PKHD1: variants seen among roughly 807,000 people sequenced by gnomAD.
PKHD1 encodes the protein fibrocystin.
A neutral mutation model predicts 412.0 loss-of-function variants in PKHD1; 291 were observed. The ratio of observed to expected loss-of-function variants is 0.71; its 90% CI spans 0.64 to 0.78. The LOEUF is 0.78. Among genes scored for constraint, PKHD1 ranks in the 30% least tolerant of loss-of-function variants. The pLI is 0.00. For synonymous variants in PKHD1, 1,777 were observed against 1,821.5 expected (o/e 0.98, Z 0.62); for missense variants, 4,825 against 4,950.7 (o/e 0.97, Z 0.76).
At position 52,025,276 on chromosome 6, in the gene PKHD1, T is replaced by C; in HGVS notation, c.4534A>G (p.Thr1512Ala). The C allele has an allele frequency of 6.2e-7, 1 of 1,614,100 alleles. No homozygotes were observed. The highest frequency in any genetic ancestry group is 1.7e-5 in the Admixed American group (1 of 60,026). Residue 1512 changes from threonine to alanine, a missense_variant, in exon 32 of 67, where the codon ACA (threonine) becomes GCA (alanine). Coordinates refer to ENST00000371117, the MANE Select transcript of PKHD1 (RefSeq NM_138694.4). The stretch of plus-strand genomic sequence containing the variant: ...ACAAATACCATCGGCTCATCAGCTG[T>C]GGTGGCTAACCTCTGACCCCTAATC... ...VLIRGQRLATTADEPMVFVDD... is the reference protein window; with the variant it reads ...VLIRGQRLATAADEPMVFVDD...
chr6:51,698,039 T>C (rs558735876), intron 60 of PKHD1, among the ~76,000 whole-genome samples: 112 of 152,376 alleles, frequency 7.4e-4, no homozygotes, highest in Non-Finnish European at 1.4e-3. Context: ...TCAAGTCATC[T>C]GTTAGAAAGT....
chr6:51,653,123 G>T (rs1043750515), intron 61 of PKHD1, among the ~76,000 whole-genome samples: 18 of 152,064 alleles, frequency 1.2e-4, no homozygotes, highest in Admixed American at 1.1e-3. Flanking sequence ...ATGTACAAAT[G>T]TTGTTCAAGG....
At chr6:51,951,028 T>A (rs558021122) in intron 36 of PKHD1, among the ~76,000 whole-genome samples, 1 of 152,326 alleles carries the variant, frequency 6.6e-6, no homozygotes, top group Non-Finnish European at 1.5e-5. Context: ...GGTAACCTTA[T>A]AACTGTATTA....
chr6:51,633,440 T>G (rs1193485915), intron 64 of PKHD1, among the ~76,000 whole-genome samples: 1 of 152,140 alleles, frequency 6.6e-6, no homozygotes, highest in Non-Finnish European at 1.5e-5. Context: ...CTCTGTACAT[T>G]GCAAAACCCA....
At chr6:51,658,248 GA>G (rs1233892189) in intron 61 of PKHD1, among the ~76,000 whole-genome samples, 1 of 152,016 alleles carries the variant, frequency 6.6e-6, no homozygotes, top group Non-Finnish European at 1.5e-5. Flanking sequence ...ACCAGATCCA[GA>G]AAAATTTGCT....
chr6:52,031,114 A>G (rs909882715), intron 29 of PKHD1, among the ~76,000 whole-genome samples: 1 of 152,238 alleles, frequency 6.6e-6, no homozygotes, highest in African/African-American at 2.4e-5. Flanking sequence ...TTCCTGGACC[A>G]GGTACTTTCA....
At chr6:51,749,103 A>C (rs1294210452) in intron 57 of PKHD1, among the ~76,000 whole-genome samples, 1 of 152,236 alleles carries the variant, frequency 6.6e-6, no homozygotes, top group Admixed American at 6.5e-5. Flanking sequence ...TCCCAAGAAG[A>C]CACTGCACAA....
chr6:51,665,939 A>T (rs1034796001), intron 60 of PKHD1, among the ~76,000 whole-genome samples: 1 of 152,060 alleles, frequency 6.6e-6, no homozygotes, highest in African/African-American at 2.4e-5. Context: ...GCACAGGTGG[A>T]GGTGGGTGGG....
At chr6:52,043,189 C>T in intron 26 of PKHD1, 55 bp from the exon 27 acceptor site, 1 of 1,402,898 alleles carries the variant, frequency 7.1e-7, no homozygotes, top group Non-Finnish European at 9.9e-7. Context: ...AGTGATATTA[C>T]TTCATTTGAG....
At chr6:51,657,233 T>C (rs1350454937) in intron 61 of PKHD1, among the ~76,000 whole-genome samples, 1 of 151,976 alleles carries the variant, frequency 6.6e-6, no homozygotes, top group Non-Finnish European at 1.5e-5. Context: ...CCCAACTGAC[T>C]GTGATCAAAG....
intron 46 of PKHD1, among the ~76,000 whole-genome samples, chr6:51,873,483 G>A (rs1776333878): frequency 6.6e-6 from 1 of 152,104 alleles, no homozygotes; most frequent in African/African-American, 2.4e-5. Flanking sequence ...CTCTGGCAAT[G>A]TTCTATTTCT....
intron 46 of PKHD1, among the ~76,000 whole-genome samples, chr6:51,873,382 G>C (rs1478148874): frequency 6.6e-6 from 1 of 152,142 alleles, no homozygotes; most frequent in South Asian, 2.1e-4. Context: ...TGCGGAGTGG[G>C]GTTGAATGGG....
chr6:51,638,110 C>A (rs913198174), intron 64 of PKHD1, among the ~76,000 whole-genome samples: 1 of 152,120 alleles, frequency 6.6e-6, no homozygotes, highest in African/African-American at 2.4e-5. Flanking sequence ...CATGCTGAAA[C>A]AATTTTTATA....
chr6:51,738,129 G>A lies in PKHD1; in HGVS notation c.10156+6256C>T, dbSNP rs537056419. 1.4e-3 allele frequency among the ~76,000 whole-genome samples: 220 copies of A among 152,268 alleles called. 1 individual carries two copies. Among genetic ancestry groups the A allele is most frequent in the African/African-American group, 5.0e-3 (206 of 41,556 alleles). Reference sequence around the variant, plus strand: ...GCCGATAGTTTGTGGGCCAGCACGCGTGGAGCAGCTACCTCCAAGCCCCAC... The same window carrying A: ...GCCGATAGTTTGTGGGCCAGCACGCATGGAGCAGCTACCTCCAAGCCCCAC... On this transcript the variant is annotated intron_variant, in intron 60 of 66. Transcript: ENST00000371117.
Position 51,618,049 on chromosome 6 carries a change from G to C in PKHD1, c.*1032C>G, listed in dbSNP as rs2150235101. 1 of 152,182 alleles carries C rather than the reference G, an allele frequency of 6.6e-6. No homozygotes were observed. The highest frequency in any genetic ancestry group is 2.4e-5 in the African/African-American group (1 of 41,516). 9.4% of individuals were successfully genotyped at this position (152,182 alleles called of 1,614,324 possible). The stretch of plus-strand genomic sequence containing the variant: ...GTATTCTTCAGTTTGAAAAGAAATG[G>C]GCCCCGTACAAATGTGTGAATTTGG... On this transcript the variant is annotated 3_prime_UTR_variant, in exon 67 of 67. Coordinates refer to ENST00000371117, the MANE Select transcript of PKHD1 (RefSeq NM_138694.4).
chr6:51,693,558 T>C (rs1036729780), intron 60 of PKHD1, among the ~76,000 whole-genome samples: 1 of 152,170 alleles, frequency 6.6e-6, no homozygotes, highest in Non-Finnish European at 1.5e-5. Context: ...GATGTAGAGA[T>C]AGACTAAAGA....
At chr6:52,053,053 A>C in intron 21 of PKHD1, 23 bp downstream of exon 21, 1 of 1,603,684 alleles carries the variant, frequency 6.2e-7, no homozygotes, top group Non-Finnish European at 8.5e-7. Flanking sequence ...CGGCTTGTGG[A>C]GGAGAGAGAA....
In PKHD1 at chr6:51,616,528, T is replaced by A. The variant is rs76370389; in HGVS notation, c.*2553A>T. 8.8e-6 allele frequency: 1 copy of A among 113,516 alleles called. No individual in the cohort carries two copies. The highest frequency in any genetic ancestry group is 1.9e-5 in the Non-Finnish European group (1 of 54,026). The allele number at this position is 113,516 out of a possible 1,614,324, so 7.0% of individuals were successfully genotyped here. The stretch of plus-strand genomic sequence containing the variant: ...TTTTGGTGTTTCCCTAATTCTCTCA[T>A]TTTTTTTTTTTTTTAGGAGAAAGAG... On this transcript the variant is annotated 3_prime_UTR_variant, in exon 67 of 67. Coordinates refer to ENST00000371117, the MANE Select transcript of PKHD1 (RefSeq NM_138694.4).
intron 63 of PKHD1, among the ~76,000 whole-genome samples, chr6:51,640,438 A>G (rs1487806519): frequency 1.3e-5 from 2 of 152,220 alleles, no homozygotes; most frequent in Non-Finnish European, 2.9e-5. Flanking sequence ...TCAAAAGCTG[A>G]GGCAGTTGCT....
Sources: gnomAD v4.1 joint callset for allele counts (sites outside exome capture counted in the v4.1 genomes callset) on GRCh38, gnomAD v4.1.1 for gene constraint, MANE v1.5 for transcripts, NCBI Gene and HGNC (gene_info 2026-07-23, HGNC 2026-07-21) for gene names.